The following EPB41L4A variants were observed in gnomAD, a reference collection of about 807,000 sequenced individuals.
EPB41L4A encodes the protein band 4.1-like protein 4A.
Under a neutral mutation model 108.6 loss-of-function variants are expected in EPB41L4A, and 100 were observed. The ratio of observed to expected loss-of-function variants is 0.92; its 90% confidence interval spans 0.78 to 1.09. The LOEUF is 1.09. Ranked by LOEUF, EPB41L4A falls within the 50% of genes least tolerant of loss-of-function variation. The pLI, the probability that EPB41L4A is intolerant of heterozygous loss-of-function variation, is 0.00. For synonymous variants in EPB41L4A, 319 were observed against 289.0 expected, an observed-to-expected ratio of 1.10 and a Z score of -1.05; for missense variants, 1,030 against 842.7, an observed-to-expected ratio of 1.22 and a Z score of -2.75.
chr5:112,272,800 G>T (rs1375641335), intron 4 of EPB41L4A, among the ~76,000 whole-genome samples: 1 of 71,748 alleles, frequency 1.4e-5, no homozygotes, highest in South Asian at 4.6e-4. Context: ...AAAAAAAAAA[G>T]ACTGGGTTAG....
intron 1 of EPB41L4A, among the ~76,000 whole-genome samples, chr5:112,389,738 C>T (rs550836168): frequency 6.6e-6 from 1 of 152,250 alleles, no homozygotes; most frequent in African/African-American, 2.4e-5. Context: ...TGCCCAATTC[C>T]AGAATTGCAA....
chr5:112,214,835 G>T (rs931127398), intron 12 of EPB41L4A, among the ~76,000 whole-genome samples: 3 of 151,908 alleles, frequency 2.0e-5, no homozygotes, highest in African/African-American at 7.2e-5. Context: ...TCTCATTTGG[G>T]GCAATTCTTT....
chr5:112,341,773 C>CACAT (rs1554100406), intron 1 of EPB41L4A, among the ~76,000 whole-genome samples: 15 of 149,858 alleles, frequency 1.0e-4, no homozygotes, highest in African/African-American at 3.8e-4. Context: ...CACACACACA[C>CACAT]ACATACACAC....
intron 2 of EPB41L4A, among the ~76,000 whole-genome samples, chr5:112,287,715 A>C (rs75313302): frequency 0.013 from 2,041 of 152,226 alleles, 50 homozygotes; most frequent in African/African-American, 0.046. Context: ...CCTTAAGGAG[A>C]GTATTGGTAG....
intron 2 of EPB41L4A, among the ~76,000 whole-genome samples, chr5:112,301,326 T>C (rs1242432504): frequency 1.3e-5 from 2 of 152,192 alleles, no homozygotes; most frequent in African/African-American, 2.4e-5. Flanking sequence ...TCAGATTCTT[T>C]TGTCCCATGG....
At chr5:112,227,972 T>C (rs1182979065) in intron 12 of EPB41L4A, among the ~76,000 whole-genome samples, 2 of 152,214 alleles carry the variant, frequency 1.3e-5, no homozygotes, top group Non-Finnish European at 2.9e-5. Flanking sequence ...GTTGGCCCAC[T>C]GACCTACTAA....
intron 1 of EPB41L4A, among the ~76,000 whole-genome samples, chr5:112,408,809 T>C (rs1474841546): frequency 1.5e-5 from 2 of 137,564 alleles, no homozygotes; most frequent in African/African-American, 2.8e-5. Context: ...TCACACCCAA[T>C]AGGATGATAA....
intron 1 of EPB41L4A, among the ~76,000 whole-genome samples, chr5:112,358,484 C>G (rs1020325503): frequency 6.6e-6 from 1 of 152,192 alleles, no homozygotes; most frequent in African/African-American, 2.4e-5. Flanking sequence ...ATTAGGAAAT[C>G]TAGAATCCCC....
At chr5:112,244,601 G>A (rs533870078) in intron 9 of EPB41L4A, among the ~76,000 whole-genome samples, 1 of 152,322 alleles carries the variant, frequency 6.6e-6, no homozygotes, top group Non-Finnish European at 1.5e-5. Context: ...GGTTTCATCA[G>A]ATATGATGTC....
At chr5:112,218,911 T>G (rs1200685643) in intron 12 of EPB41L4A, among the ~76,000 whole-genome samples, 1 of 152,170 alleles carries the variant, frequency 6.6e-6, no homozygotes, top group African/African-American at 2.4e-5. Flanking sequence ...AGGATATAAT[T>G]TGAAGTATAA....
chr5:112,340,667 C>T (rs1757255544), intron 1 of EPB41L4A, among the ~76,000 whole-genome samples: 1 of 152,082 alleles, frequency 6.6e-6, no homozygotes, highest in African/African-American at 2.4e-5. Flanking sequence ...ATTATTTTTA[C>T]CTTTTATATT....
At chr5:112,354,977 C>A (rs1465845655) in intron 1 of EPB41L4A, among the ~76,000 whole-genome samples, 1 of 151,228 alleles carries the variant, frequency 6.6e-6, no homozygotes, top group African/African-American at 2.4e-5. Context: ...TTTAAAGTTG[C>A]CAAAATAAAC....
chr5:112,154,348 A>G (rs1017201288), intron 12 of EPB41L4A, among the ~76,000 whole-genome samples: 1 of 152,230 alleles, frequency 6.6e-6, no homozygotes, highest in Non-Finnish European at 1.5e-5. Context: ...AGTTCCCACT[A>G]CTTATAAATG....
exon 13 of EPB41L4A, chr5:112,145,887 GC>G (rs1469547069): frequency 4.4e-6 from 2 of 455,816 alleles, no homozygotes; most frequent in Non-Finnish European, 8.8e-6. Context: ...TTACATCCCA[GC>G]CCCAATATCA....
intron 18 of EPB41L4A, among the ~76,000 whole-genome samples, chr5:112,172,420 G>A (rs1292199414): frequency 6.6e-6 from 1 of 151,406 alleles, no homozygotes; most frequent in African/African-American, 2.4e-5. Flanking sequence ...GTTGAGGCAT[G>A]AGAATCACTT....
chr5:112,170,715 T>G (rs184208046), intron 19 of EPB41L4A, among the ~76,000 whole-genome samples: 1 of 152,330 alleles, frequency 6.6e-6, no homozygotes, highest in African/African-American at 2.4e-5. Context: ...GAGGTCCATT[T>G]AGAGGCGAGA....
intron 1 of EPB41L4A, among the ~76,000 whole-genome samples, chr5:112,394,216 C>T (rs915011952): frequency 3.9e-5 from 6 of 152,158 alleles, no homozygotes; most frequent in Non-Finnish European, 8.8e-5. Context: ...TCCTATTCAA[C>T]ATAGTGTTGA....
chr5:112,174,005 A>G (rs1410981755), intron 18 of EPB41L4A, among the ~76,000 whole-genome samples: 3 of 152,168 alleles, frequency 2.0e-5, no homozygotes, highest in African/African-American at 4.8e-5. Flanking sequence ...ATTGGTCCTA[A>G]AAGATTGAAG....
At chr5:112,210,747 G>C (rs1003230717) in intron 12 of EPB41L4A, among the ~76,000 whole-genome samples, 1 of 151,938 alleles carries the variant, frequency 6.6e-6, no homozygotes, top group Non-Finnish European at 1.5e-5. Context: ...TGGGCTCTGG[G>C]AACAACTCTT....
Sources: allele counts gnomAD v4.1 joint callset (sites outside exome capture counted in the v4.1 genomes callset), GRCh38; gene constraint gnomAD v4.1.1; transcripts MANE v1.5; gene names NCBI Gene and HGNC (gene_info 2026-07-23, HGNC 2026-07-21).